Variants in COL4A1 observed in about 807,000 individuals in gnomAD.
The protein encoded by COL4A1 is collagen alpha-1(IV) chain.
In COL4A1, 40 loss-of-function variants were observed where a neutral mutation model predicts 216.6. That is an observed-to-expected ratio of 0.18 (90% CI 0.14 to 0.24). COL4A1 has a LOEUF of 0.24. COL4A1 is among the 10% of genes least tolerant of loss of function. The pLI is 1.00. For missense variants in COL4A1, 1,628 were observed against 2,196.8 expected, an observed-to-expected ratio of 0.74 and a Z score of 5.18; for synonymous variants, 839 against 810.7, an observed-to-expected ratio of 1.03 and a Z score of -0.59.
At chr13:110,252,742 T>C (rs1882207074) in intron 1 of COL4A1, among the ~76,000 whole-genome samples, 1 of 135,352 alleles carries the variant, frequency 7.4e-6, no homozygotes, top group Non-Finnish European at 1.6e-5. Context: ...TATGTATGTA[T>C]TATACATATA....
chr13:110,170,640 G>T lies in COL4A1; in HGVS notation c.3649C>A (p.Pro1217Thr). Residue 1217 changes from proline (P) to threonine (T), a missense_variant, in exon 42 of 52, where the codon CCC becomes ACC. This residue lies in a region of COL4A1 where 345 missense variants were observed against 476.9 expected (regional missense o/e 0.72). Coordinates refer to ENST00000375820, the MANE Select transcript of COL4A1 (RefSeq NM_001845.6). Reference sequence around the variant, plus strand: ...CCCGGTAACCCCGGCTGTCCCTGGGGCCCCGGAGGACCCATGAATCCTTGC... The same window carrying T: ...CCCGGTAACCCCGGCTGTCCCTGGGTCCCCGGAGGACCCATGAATCCTTGC... ...GEQGFMGPPG[P>T]QGQPGLPGSP... 1 of 1,613,460 alleles carries T rather than the reference G, an allele frequency of 6.2e-7. No homozygotes were observed. The highest frequency in any genetic ancestry group is 8.5e-7 in the Non-Finnish European group (1 of 1,179,726).
At chr13:110,249,769 A>G (rs1444696084) in intron 1 of COL4A1, among the ~76,000 whole-genome samples, 1 of 152,228 alleles carries the variant, frequency 6.6e-6, no homozygotes, top group Non-Finnish European at 1.5e-5. Flanking sequence ...AAAAGTGTCC[A>G]TGGCATTTAA....
rs796175619 is a variant in COL4A1, at chr13:110,227,268, T to C, written c.145-13253A>G. Reference sequence around the variant, plus strand: ...GTTACAGTTTGCAAATTATGAGGTATAAACTTTCTAATAAAAATAGATTGT... The same window carrying C: ...GTTACAGTTTGCAAATTATGAGGTACAAACTTTCTAATAAAAATAGATTGT... On this transcript the variant is annotated intron_variant, in intron 2 of 51. Coordinates refer to ENST00000375820, the MANE Select transcript of COL4A1 (RefSeq NM_001845.6). Among the ~76,000 whole-genome samples the C allele has an allele frequency of 2.0e-5, 3 of 152,126 alleles. 1 individual carries two copies. In the South Asian group the frequency reaches 6.2e-4, roughly 31 times the overall value.
intron 1 of COL4A1, among the ~76,000 whole-genome samples, chr13:110,305,579 A>G (rs780950150): frequency 2.0e-5 from 3 of 152,244 alleles, no homozygotes; most frequent in Non-Finnish European, 4.4e-5. Context: ...TCTAGACCAA[A>G]ATAAAGTGCT....
chr13:110,298,532 G>C (rs1242174582), intron 1 of COL4A1: 6 of 152,176 alleles, frequency 3.9e-5, no homozygotes, highest in Admixed American at 2.6e-4. Context: ...CCATTTTCCT[G>C]CTTTGGTAAG....
intron 1 of COL4A1, among the ~76,000 whole-genome samples, chr13:110,281,219 G>A (rs950085406): frequency 2.0e-5 from 3 of 152,150 alleles, no homozygotes; most frequent in Non-Finnish European, 4.4e-5. Flanking sequence ...ACTGTTCTGT[G>A]ATGACACGAC....
At chr13:110,209,556 G>T (rs1410352789) in intron 10 of COL4A1, 129 bp from the exon 11 acceptor site, 1 of 781,020 alleles carries the variant, frequency 1.3e-6, no homozygotes, top group African/African-American at 1.7e-5. Flanking sequence ...ATTTTTCCTG[G>T]GCTTCCCCTC....
chr13:110,296,277 C>G (rs1347396499), intron 1 of COL4A1, among the ~76,000 whole-genome samples: 1 of 152,222 alleles, frequency 6.6e-6, no homozygotes, highest in Non-Finnish European at 1.5e-5. Flanking sequence ...AGGGCTCCAT[C>G]TTGGAATACA....
intron 21 of COL4A1, among the ~76,000 whole-genome samples, chr13:110,196,822 T>C (rs4773131): frequency 0.27 from 41,281 of 152,138 alleles, 5,781 homozygotes; most frequent in Admixed American, 0.32. Flanking sequence ...GGCTGCATTG[T>C]GTGGTTAATG....
intron 49 of COL4A1, among the ~76,000 whole-genome samples, chr13:110,160,553 A>G (rs1251222619): frequency 1.3e-5 from 2 of 152,212 alleles, no homozygotes; most frequent in Non-Finnish European, 2.9e-5. Context: ...AGATTGAGCA[A>G]CACTGTTCCA....
rs766119538 is a variant in COL4A1, at chr13:110,176,445, C to T, written c.3037G>A (p.Val1013Ile). 3.7e-6 allele frequency: 6 copies of T among 1,613,314 alleles called. No homozygotes were observed. Among genetic ancestry groups the T allele is most frequent in the South Asian group, 1.1e-5 (1 of 91,072 alleles). ...TTACCTGGCAAGCCCATTCCACCAA[C>T]AGATCCTTTTGGTCCCGGAAGTCCT... is the stretch of plus-strand genomic sequence containing the variant. Reference protein sequence around the residue: ...APGLPGPKGSVGGMGLPGTPG... With the variant: ...APGLPGPKGSIGGMGLPGTPG... Residue 1013 changes from valine (V) to isoleucine (I), a missense_variant, in exon 36 of 52, where the codon GTT becomes ATT. Val to Ile is a conservative substitution (Grantham distance 29, BLOSUM62 3). Around this residue, in one of 8 missense-constraint regions of COL4A1, gnomAD observed 58 missense variants for 132.5 expected, o/e 0.44. Coordinates refer to ENST00000375820, the MANE Select transcript of COL4A1 (RefSeq NM_001845.6).
intron 26 of COL4A1, among the ~76,000 whole-genome samples, chr13:110,185,027 A>T (rs1878338860): frequency 6.6e-6 from 1 of 152,266 alleles, no homozygotes; most frequent in Non-Finnish European, 1.5e-5. Context: ...GAATTCATAA[A>T]ACAGGCTCAA....
At position 110,170,871 on chromosome 13, in the gene COL4A1, A is replaced by G. The variant is rs139777013; in HGVS notation, c.3557-139T>C. 906 of 846,136 alleles carry G rather than the reference A, an allele frequency of 1.1e-3. 9 individuals are homozygous for G. The East Asian group carries it at 0.021, about 20-fold the overall frequency. The allele number at this position is 846,136 out of a possible 1,614,324, so 52.4% of individuals were successfully genotyped here. A position where few individuals can be genotyped will look rare whatever the true frequency, so the allele number is the denominator to read the frequency against. ...AGGGAGCTTCCAGGGACACCACAGG[A>G]AACTGCAGCAAGGGCTCCGATCCCT... On this transcript the variant is annotated intron_variant, in intron 41 of 51. Coordinates refer to ENST00000375820, the MANE Select transcript of COL4A1 (RefSeq NM_001845.6).
chr13:110,210,251 C>T, intron 8 of COL4A1, 39 bp from the exon 9 acceptor site: 6 of 1,588,100 alleles, frequency 3.8e-6, no homozygotes, highest in Non-Finnish European at 5.2e-6. Flanking sequence ...TTGCAAATAT[C>T]GACATTCATG....
chr13:110,228,280 G>A (rs1411568913), intron 2 of COL4A1, among the ~76,000 whole-genome samples: 2 of 152,082 alleles, frequency 1.3e-5, no homozygotes, highest in Non-Finnish European at 2.9e-5. Flanking sequence ...GGACAGGATG[G>A]AAAAGAACAT....
At chr13:110,259,882 G>A (rs1882745506) in intron 1 of COL4A1, among the ~76,000 whole-genome samples, 1 of 151,542 alleles carries the variant, frequency 6.6e-6, no homozygotes, top group African/African-American at 2.4e-5. Context: ...TGACATGCAT[G>A]GCATAGTAGG....
chr13:110,164,998 A>T lies in COL4A1; in HGVS notation c.4022-8T>A. The T allele has an allele frequency of 6.2e-7, 1 of 1,603,000 alleles. No individual in the cohort carries two copies. The highest frequency in any genetic ancestry group is 8.5e-7 in the Non-Finnish European group (1 of 1,175,446). On this transcript the variant is annotated splice_polypyrimidine_tract_variant and splice_region_variant and intron_variant, in intron 45 of 51. Transcript: ENST00000375820. Reference sequence around the variant, plus strand: ...CAGGAGGACCCGGGAGACCTGTGGGAATAGGGAAGGCATTGATCAATTTCA... The same window carrying T: ...CAGGAGGACCCGGGAGACCTGTGGGTATAGGGAAGGCATTGATCAATTTCA...
chr13:110,296,628 C>A (rs1249201379), intron 1 of COL4A1, among the ~76,000 whole-genome samples: 1 of 152,148 alleles, frequency 6.6e-6, no homozygotes, highest in African/African-American at 2.4e-5. Context: ...CAGGGGAGAC[C>A]AGCTAGGCTT....
chr13:110,235,985 G>A (rs1328334333), intron 2 of COL4A1, among the ~76,000 whole-genome samples: 1 of 152,072 alleles, frequency 6.6e-6, no homozygotes, highest in East Asian at 1.9e-4. Flanking sequence ...TACAGTCCCT[G>A]TCTCAAAAAG....
Sources: allele counts gnomAD v4.1 joint callset (sites outside exome capture counted in the v4.1 genomes callset), GRCh38; gene constraint gnomAD v4.1.1; regional missense constraint gnomAD v4.1.1; transcripts MANE v1.5; gene names NCBI Gene and HGNC (gene_info 2026-07-23, HGNC 2026-07-21).